The following NKAIN2 variants were observed in gnomAD, a reference collection of about 807,000 sequenced individuals.
NKAIN2 encodes the protein sodium/potassium-transporting ATPase subunit beta-1-interacting protein 2.
NKAIN2 carries 14 observed loss-of-function variants against 32.6 expected under a neutral mutation model. The observed-to-expected ratio is 0.43, with a 90% confidence interval of 0.28 to 0.67. The LOEUF (loss-of-function observed/expected upper bound fraction) is 0.67, where lower values mean the gene tolerates loss of function less well. Among genes scored for constraint, NKAIN2 ranks in the 30% least tolerant of loss-of-function variants. The probability of loss-of-function intolerance (pLI) is 0.17; values close to 1 mark genes in which losing one functional copy is unlikely to be tolerated. For missense variants in NKAIN2, 198 were observed against 258.3 expected (o/e 0.77, Z 1.60); for synonymous variants, 80 against 87.2 (o/e 0.92, Z 0.46).
chr6:124,727,413 A>C (rs919673437), intron 4 of NKAIN2, among the ~76,000 whole-genome samples: 16 of 151,648 alleles, frequency 1.1e-4, no homozygotes, highest in Admixed American at 2.0e-4. Flanking sequence ...CAACATTCTT[A>C]AAGAAAAGAA....
chr6:123,843,714 A>G lies in NKAIN2; in HGVS notation c.54+39460A>G, dbSNP rs116077051. The stretch of plus-strand genomic sequence containing the variant: ...AGAAAGGGTAAGATTATTGAAACTT[A>G]TATAGGATCAGAGCTACAGAAAGAA... On this transcript the variant is annotated intron_variant, in intron 1 of 6. Transcript: ENST00000368417. Among the ~76,000 whole-genome samples, 124 of 152,232 alleles carry G rather than the reference A, an allele frequency of 8.1e-4. 1 individual carries two copies. The highest frequency in any genetic ancestry group is 3.0e-3 in the African/African-American group (123 of 41,534).
chr6:124,254,469 C>A (rs974329638), intron 1 of NKAIN2, among the ~76,000 whole-genome samples: 2 of 152,050 alleles, frequency 1.3e-5, no homozygotes, highest in Non-Finnish European at 2.9e-5. Flanking sequence ...TGTAATAGAG[C>A]AGTGTAGATT....
chr6:123,871,831 T>C (rs1401974766), intron 1 of NKAIN2, among the ~76,000 whole-genome samples: 1 of 152,202 alleles, frequency 6.6e-6, no homozygotes, highest in African/African-American at 2.4e-5. Flanking sequence ...TATTCATTCA[T>C]TGACTGGTAT....
chr6:124,001,555 T>C (rs762740844), intron 1 of NKAIN2, among the ~76,000 whole-genome samples: 108 of 151,988 alleles, frequency 7.1e-4, no homozygotes, highest in Middle Eastern at 3.4e-3. Flanking sequence ...AAAATCATAA[T>C]GAATCATGTG....
chr6:124,635,668 A>G (rs146653701), intron 3 of NKAIN2, among the ~76,000 whole-genome samples: 3 of 151,622 alleles, frequency 2.0e-5, no homozygotes, highest in African/African-American at 7.3e-5. Context: ...AATAGACAGT[A>G]AGTAAAAATC....
At chr6:123,908,610 C>T (rs979953255) in intron 1 of NKAIN2, among the ~76,000 whole-genome samples, 1 of 151,932 alleles carries the variant, frequency 6.6e-6, no homozygotes, top group Admixed American at 6.6e-5. Context: ...GTGGTTTATT[C>T]TTCATTAATT....
intron 1 of NKAIN2, among the ~76,000 whole-genome samples, chr6:124,131,493 G>C (rs2114264665): frequency 1.3e-5 from 2 of 152,220 alleles, no homozygotes; most frequent in Middle Eastern, 6.8e-3. Context: ...AAAGAATTCA[G>C]ATCCTTTGAA....
intron 1 of NKAIN2, among the ~76,000 whole-genome samples, chr6:123,965,280 A>G (rs1778020976): frequency 6.6e-6 from 1 of 152,188 alleles, no homozygotes; most frequent in South Asian, 2.1e-4. Context: ...CTTATTAAAA[A>G]ATAGAGACAA....
At chr6:124,238,774 G>A (rs547862259) in intron 1 of NKAIN2, among the ~76,000 whole-genome samples, 16 of 152,270 alleles carry the variant, frequency 1.1e-4, no homozygotes, top group African/African-American at 3.9e-4. Flanking sequence ...AGCTCCTGAA[G>A]GAAGCACTAA....
chr6:124,744,126 G>A (rs1295170210), intron 4 of NKAIN2, among the ~76,000 whole-genome samples: 1 of 151,660 alleles, frequency 6.6e-6, no homozygotes, highest in Non-Finnish European at 1.5e-5. Flanking sequence ...GAGCATATTG[G>A]TTACTTTGAT....
intron 1 of NKAIN2, among the ~76,000 whole-genome samples, chr6:123,951,074 A>G (rs900933816): frequency 1.4e-4 from 22 of 151,930 alleles, no homozygotes; most frequent in African/African-American, 5.1e-4. Context: ...ACAATTTCCA[A>G]TGTTCCTCTT....
intron 1 of NKAIN2, among the ~76,000 whole-genome samples, chr6:124,028,300 A>C (rs1219096510): frequency 6.6e-6 from 1 of 150,798 alleles, no homozygotes; most frequent in Non-Finnish European, 1.5e-5. Flanking sequence ...TAATTTTAGA[A>C]TCTAACTCTG....
chr6:124,075,376 A>G (rs1783648494), intron 1 of NKAIN2, among the ~76,000 whole-genome samples: 1 of 152,200 alleles, frequency 6.6e-6, no homozygotes, highest in Non-Finnish European at 1.5e-5. Context: ...GCATATAAGC[A>G]TGATATCTTA....
chr6:124,740,754 A>G (rs905756925), intron 4 of NKAIN2, among the ~76,000 whole-genome samples: 3 of 151,808 alleles, frequency 2.0e-5, no homozygotes, highest in Admixed American at 6.6e-5. Context: ...AATGAGAGAG[A>G]AGGAGCACAG....
intron 1 of NKAIN2, among the ~76,000 whole-genome samples, chr6:124,142,039 C>T (rs571847162): frequency 4.6e-5 from 7 of 152,294 alleles, no homozygotes; most frequent in African/African-American, 1.7e-4. Context: ...ATCTGTGAGA[C>T]TTGTAACATC....
Position 124,818,373 on chromosome 6 carries a change from T to G in NKAIN2, c.536-14T>G. ...CTCTTCTGAAAAGCTAATTAATGAA[T>G]TGTCCCTTTTCAGTTGATTTCATAG... On this transcript the variant is annotated splice_polypyrimidine_tract_variant and intron_variant, in intron 5 of 6. Transcript: ENST00000368417. 1 of 1,491,028 alleles carries G rather than the reference T, an allele frequency of 6.7e-7. No homozygotes were observed. Among genetic ancestry groups the G allele is most frequent in the Non-Finnish European group, 9.4e-7 (1 of 1,069,502 alleles). 92.4% of individuals were successfully genotyped at this position (1,491,028 alleles called of 1,614,324 possible).
chr6:124,285,086 A>T (rs1795475771), intron 2 of NKAIN2, among the ~76,000 whole-genome samples: 1 of 152,192 alleles, frequency 6.6e-6, no homozygotes. Flanking sequence ...TATTAGACAC[A>T]ACCTGAACTC....
chr6:123,849,247 A>C (rs1288825235), intron 1 of NKAIN2, among the ~76,000 whole-genome samples: 1 of 152,220 alleles, frequency 6.6e-6, no homozygotes, highest in African/African-American at 2.4e-5. Flanking sequence ...AATTAATACT[A>C]ATAACAGCTG....
At chr6:124,256,787 ATG>A (rs1185441051) in intron 1 of NKAIN2, among the ~76,000 whole-genome samples, 1 of 151,692 alleles carries the variant, frequency 6.6e-6, no homozygotes, top group Non-Finnish European at 1.5e-5. Context: ...AGCAAATAGA[ATG>A]TGTGTGTGTC....
Sources: gnomAD v4.1 joint callset for allele counts (sites outside exome capture counted in the v4.1 genomes callset) on GRCh38, gnomAD v4.1.1 for gene constraint, MANE v1.5 for transcripts, NCBI Gene and HGNC (gene_info 2026-07-23, HGNC 2026-07-21) for gene names.